The following RAD54B variants were observed in gnomAD, a reference collection of about 807,000 sequenced individuals.
RAD54B encodes RAD54 homolog B.
In RAD54B, 78 loss-of-function variants were observed where a neutral mutation model predicts 95.8. That is an observed-to-expected ratio of 0.81 (90% CI 0.68 to 0.98). The LOEUF is 0.98. RAD54B is among the 50% of genes least tolerant of loss of function. The pLI, the probability that RAD54B is intolerant of heterozygous loss-of-function variation, is 0.00. For missense variants in RAD54B, 957 were observed against 1,056.6 expected (o/e 0.91, Z 1.31); for synonymous variants, 328 against 354.9 (o/e 0.92, Z 0.85).
rs991655993 is a variant in RAD54B at position 94,416,876 on chromosome 8, C to G, written c.305-5561G>C. On this transcript the variant is annotated intron_variant, in intron 3 of 14. Coordinates refer to ENST00000336148, the MANE Select transcript of RAD54B (RefSeq NM_012415.3). ...TACCAAATGACACAGCAATTACACTCCTAAGTATATGCCCAAAAGAATAAT... is the reference window on the plus strand; with the variant it reads ...TACCAAATGACACAGCAATTACACTGCTAAGTATATGCCCAAAAGAATAAT... Among the ~76,000 whole-genome samples, 8 of 152,170 alleles carry G rather than the reference C, an allele frequency of 5.3e-5. No individual in the cohort carries two copies. The South Asian group carries it at 1.0e-3, about 20-fold the overall frequency.
intron 11 of RAD54B, among the ~76,000 whole-genome samples, chr8:94,383,284 CAA>C (rs34552024): frequency 4.3e-4 from 36 of 83,178 alleles, no homozygotes; most frequent in African/African-American, 1.2e-3. Context: ...GACTCCATCT[CAA>C]AAAAAAAAAA....
At chr8:94,439,237 T>A (rs1000826669) in intron 3 of RAD54B, among the ~76,000 whole-genome samples, 2 of 152,196 alleles carry the variant, frequency 1.3e-5, no homozygotes, top group African/African-American at 4.8e-5. Context: ...TAGGAAATCT[T>A]CTAAAATTGT....
chr8:94,412,785 C>T (rs1054050672), intron 3 of RAD54B, among the ~76,000 whole-genome samples: 4 of 151,760 alleles, frequency 2.6e-5, no homozygotes, highest in African/African-American at 4.8e-5. Flanking sequence ...GAAATAAAAC[C>T]GGAGCATTTA....
chr8:94,444,014 G>A (rs1185482642), intron 3 of RAD54B, among the ~76,000 whole-genome samples: 3 of 151,894 alleles, frequency 2.0e-5, no homozygotes, highest in African/African-American at 7.3e-5. Context: ...ATTTACTTAT[G>A]AAGGCTCCTG....
In RAD54B at chr8:94,404,132, G is replaced by A. The variant is rs373973462; in HGVS notation, c.889C>T (p.Arg297Ter). 13 of 1,610,512 alleles carry A rather than the reference G, an allele frequency of 8.1e-6. No individual in the cohort carries two copies. Among genetic ancestry groups the A allele is most frequent in the Non-Finnish European group, 1.1e-5 (13 of 1,177,764 alleles). ...ATGATTCCTTCTTTCTGATGTGGTC[G>A]AAGATGATATACAAGGTAAGGATCA... ...VIDPYLVYHL[R>*]PHQKEGIIFL... Residue 297 changes from arginine to a stop codon, truncating the protein, a stop_gained, in exon 6 of 15, where the codon CGA (arginine) becomes TGA (stop). Transcript: ENST00000336148. LOFTEE classifies it high-confidence loss of function.
chr8:94,426,029 T>C (rs966235752), intron 3 of RAD54B, among the ~76,000 whole-genome samples: 3 of 152,186 alleles, frequency 2.0e-5, no homozygotes, highest in Admixed American at 1.3e-4. Context: ...CAGGGCTCAC[T>C]GCAACCTCTG....
At chr8:94,382,135 G>C (rs946052759) in intron 11 of RAD54B, among the ~76,000 whole-genome samples, 2 of 147,100 alleles carry the variant, frequency 1.4e-5, no homozygotes. Flanking sequence ...AAAAAAGAGA[G>C]CGAGAAAGGA....
At chr8:94,437,072 C>CAT (rs1363864403) in intron 3 of RAD54B, 8 of 993,606 alleles carry the variant, frequency 8.1e-6, no homozygotes, top group Admixed American at 7.5e-5. Context: ...GCCTGACCTA[C>CAT]ATAAAGCTTC....
intron 10 of RAD54B, among the ~76,000 whole-genome samples, chr8:94,390,444 G>A (rs1314735384): frequency 6.6e-6 from 1 of 151,204 alleles, no homozygotes; most frequent in African/African-American, 2.4e-5. Context: ...AGGTTGCAGT[G>A]AGCCAAGATC....
Position 94,467,685 on chromosome 8 carries a change from C to A in RAD54B, c.-16-130G>T, listed in dbSNP as rs562268397. ...TTATGGGCCTGCCTGGCCCCCCAAG[C>A]ATAGAAACAAAAGGAAAATCTTCAG... On this transcript the variant is annotated intron_variant, in intron 1 of 14. Transcript: ENST00000336148. 2.5e-5 allele frequency: 22 copies of A among 887,976 alleles called. No individual in the cohort carries two copies. In the East Asian group the frequency reaches 5.1e-4, roughly 20 times the overall value. 55.0% of individuals were successfully genotyped at this position (887,976 alleles called of 1,614,324 possible). A position where few individuals can be genotyped will look rare whatever the true frequency, so the allele number is the denominator to read the frequency against.
chr8:94,394,092 A>G (rs532652937), intron 8 of RAD54B, among the ~76,000 whole-genome samples: 40 of 152,366 alleles, frequency 2.6e-4, no homozygotes, highest in African/African-American at 4.8e-4. Flanking sequence ...TTTTAATTGC[A>G]TACTAAGTTC....
At chr8:94,435,062 T>C (rs1335077541) in intron 3 of RAD54B, among the ~76,000 whole-genome samples, 2 of 151,982 alleles carry the variant, frequency 1.3e-5, no homozygotes, top group African/African-American at 2.4e-5. Flanking sequence ...CTATACCTAC[T>C]AACCAAAGGG....
In RAD54B at chr8:94,411,166, T is replaced by C. The variant is rs756579470; in HGVS notation, c.454A>G (p.Lys152Glu). The C allele has an allele frequency of 6.2e-7, 1 of 1,610,766 alleles. No individual in the cohort carries two copies. The highest frequency in any genetic ancestry group is 1.1e-5 in the South Asian group (1 of 90,346). Residue 152 changes from lysine (K) to glutamate (E), a missense_variant, in exon 4 of 15, where the codon AAG becomes GAG. Physicochemically the swap from Lys to Glu is moderately conservative, Grantham distance 56. Transcript: ENST00000336148. ...EGDAVLIVKGKSFILKNLEGK... is the reference protein window; with the variant it reads ...EGDAVLIVKGESFILKNLEGK... ...TCCAAATTCTTTAATATAAATGACT[T>C]TCCTTTTACAATAAGAACAGCATCA...
intron 3 of RAD54B, among the ~76,000 whole-genome samples, chr8:94,448,087 T>C (rs1812563305): frequency 6.6e-6 from 1 of 152,194 alleles, no homozygotes; most frequent in African/African-American, 2.4e-5. Context: ...CTTGCTCAAA[T>C]TACCACTTCT....
At chr8:94,388,810 G>C (rs1810950821) in intron 10 of RAD54B, among the ~76,000 whole-genome samples, 1 of 152,142 alleles carries the variant, frequency 6.6e-6, no homozygotes, top group Non-Finnish European at 1.5e-5. Flanking sequence ...AGTAGCTGCT[G>C]GCTGCTTTAG....
intron 8 of RAD54B, among the ~76,000 whole-genome samples, chr8:94,396,716 G>A (rs1199666315): frequency 2.0e-5 from 3 of 152,036 alleles, no homozygotes; most frequent in Non-Finnish European, 4.4e-5. Flanking sequence ...TCTTAATTGT[G>A]GGCTGAACTG....
At chr8:94,419,472 C>T (rs1220971304) in intron 3 of RAD54B, among the ~76,000 whole-genome samples, 1 of 152,066 alleles carries the variant, frequency 6.6e-6, no homozygotes, top group African/African-American at 2.4e-5. Context: ...CATGCCACTG[C>T]ACTCTAGCCT....
intron 3 of RAD54B, chr8:94,428,995 T>C (rs1040809908): frequency 5.1e-6 from 5 of 983,034 alleles, no homozygotes; most frequent in South Asian, 9.4e-5. Context: ...ATGTTAATCA[T>C]GGTTATACAA....
At position 94,393,737 on chromosome 8, in the gene RAD54B, T is replaced by C. The variant is rs773781295; in HGVS notation, c.1518+6A>G. 7.7e-6 allele frequency: 12 copies of C among 1,562,254 alleles called. No individual in the cohort carries two copies. The East Asian group carries it at 2.7e-4, about 35-fold the overall frequency. On this transcript the variant is annotated splice_donor_region_variant and intron_variant, in intron 9 of 14. Transcript: ENST00000336148. ...TTAAAAACCTATTTATTAGAGTAAATTATACCTCAGAAGCAGAAGGTTCTC... is the reference window on the plus strand; with the variant it reads ...TTAAAAACCTATTTATTAGAGTAAACTATACCTCAGAAGCAGAAGGTTCTC...
Sources: allele counts gnomAD v4.1 joint callset (sites outside exome capture counted in the v4.1 genomes callset), GRCh38; gene constraint gnomAD v4.1.1; transcripts MANE v1.5; gene names NCBI Gene and HGNC (gene_info 2026-07-23, HGNC 2026-07-21).